Variants in AXDND1 observed in about 807,000 individuals in gnomAD.
The protein encoded by AXDND1 is axonemal dynein light chain domain-containing protein 1.
AXDND1 carries 110 observed loss-of-function variants against 137.5 expected under a neutral mutation model. That is an observed-to-expected ratio of 0.80 (90% CI 0.69 to 0.94). The LOEUF (loss-of-function observed/expected upper bound fraction) is 0.94. Among genes scored for constraint, AXDND1 ranks in the 40% least tolerant of loss-of-function variants. The pLI is 0.00. For missense variants in AXDND1, 1,191 were observed against 1,169.8 expected (o/e 1.02, Z -0.26); for synonymous variants, 414 against 399.7 (o/e 1.04, Z -0.43).
At chr1:179,426,302 A>G (rs1656562213) in intron 12 of AXDND1, among the ~76,000 whole-genome samples, 1 of 152,240 alleles carries the variant, frequency 6.6e-6, no homozygotes, top group African/African-American at 2.4e-5. Flanking sequence ...CCAGCAAAAC[A>G]GTAGGCACAG....
chr1:179,408,321 TCTTA>T (rs908185796), intron 11 of AXDND1, among the ~76,000 whole-genome samples: 2 of 152,188 alleles, frequency 1.3e-5, no homozygotes, highest in African/African-American at 2.4e-5. Flanking sequence ...TTTCCTATGT[TCTTA>T]CTTTGCTATC....
chr1:179,473,466 C>T (rs1284992023), intron 17 of AXDND1, among the ~76,000 whole-genome samples: 1 of 152,106 alleles, frequency 6.6e-6, no homozygotes, highest in Non-Finnish European at 1.5e-5. Context: ...CCATTGCACT[C>T]CAGCCTGAGC....
At chr1:179,377,945 G>C (rs1647566813) in intron 4 of AXDND1, among the ~76,000 whole-genome samples, 1 of 152,160 alleles carries the variant, frequency 6.6e-6, no homozygotes, top group South Asian at 2.1e-4. Flanking sequence ...GGCCGAGGCA[G>C]GTCACCTGAG....
intron 9 of AXDND1, 47 bp from the exon 10 acceptor site, chr1:179,393,856 A>G (rs779220067): frequency 6.7e-6 from 10 of 1,497,994 alleles, no homozygotes; most frequent in Non-Finnish European, 8.9e-6. Flanking sequence ...AGAATTTACT[A>G]AATTCATTTA....
At chr1:179,372,985 CTAAT>C (rs1668197969) in intron 4 of AXDND1, among the ~76,000 whole-genome samples, 1 of 152,098 alleles carries the variant, frequency 6.6e-6, no homozygotes, top group South Asian at 2.1e-4. Flanking sequence ...GCCTGGCCCT[CTAAT>C]TATTTTTAAT....
intron 12 of AXDND1, among the ~76,000 whole-genome samples, chr1:179,413,846 T>C (rs1300161705): frequency 6.6e-6 from 1 of 152,220 alleles, no homozygotes; most frequent in Non-Finnish European, 1.5e-5. Context: ...GTTGAACTAA[T>C]TTACATTCCC....
Position 179,525,444 on chromosome 1 carries a change from A to C in AXDND1, c.2607A>C (p.Glu869Asp), listed in dbSNP as rs1176666937. ...KLQEENKERAEEQPSTSTEKE... is the reference protein window; with the variant it reads ...KLQEENKERADEQPSTSTEKE... ...AGGAGGAAAATAAAGAGAGAGCAGA[A>C]GAAGTAAGATTATTTGGTATTTGTT... is the stretch of plus-strand genomic sequence containing the variant. Residue 869 changes from glutamate to aspartate, a missense_variant, in exon 22 of 26, where the codon GAA (glutamate) becomes GAC (aspartate). Physicochemically the swap from Glu to Asp is conservative, Grantham distance 45. Coordinates refer to ENST00000367618, the MANE Select transcript of AXDND1 (RefSeq NM_144696.6). 1 of 1,606,256 alleles carries C rather than the reference A, an allele frequency of 6.2e-7. No homozygotes were observed. The highest frequency in any genetic ancestry group is 2.2e-5 in the East Asian group (1 of 44,664).
At chr1:179,430,211 A>G (rs891376876) in intron 13 of AXDND1, among the ~76,000 whole-genome samples, 8 of 151,914 alleles carry the variant, frequency 5.3e-5, no homozygotes, top group African/African-American at 1.9e-4. Flanking sequence ...TGAAAGTCCT[A>G]TGGAAACATT....
intron 23 of AXDND1, chr1:179,533,200 AAAT>A (rs1671187317): frequency 6.6e-6 from 1 of 152,186 alleles, no homozygotes; most frequent in Admixed American, 6.5e-5. Context: ...ATTCAATTAA[AAAT>A]ATGCTTATAG....
chr1:179,431,062 G>A (rs1412424162), intron 14 of AXDND1, among the ~76,000 whole-genome samples: 1 of 152,170 alleles, frequency 6.6e-6, no homozygotes, highest in East Asian at 1.9e-4. Flanking sequence ...TTAAGTTGAG[G>A]TCAGATGGCT....
intron 20 of AXDND1, among the ~76,000 whole-genome samples, chr1:179,502,562 T>TAAAAAAA (rs35740934): frequency 2.5e-5 from 2 of 81,074 alleles, no homozygotes; most frequent in Non-Finnish European, 4.6e-5. Context: ...AAACTCTGTC[T>TAAAAAAA]AAAAAAAAAA....
chr1:179,490,799 C>G (rs761261293), intron 18 of AXDND1, among the ~76,000 whole-genome samples: 1 of 150,376 alleles, frequency 6.6e-6, no homozygotes, highest in East Asian at 2.0e-4. Context: ...CCAATCAAAC[C>G]AGTTTCAAAA....
intron 20 of AXDND1, among the ~76,000 whole-genome samples, chr1:179,508,364 G>C (rs891896571): frequency 1.3e-5 from 2 of 150,962 alleles, no homozygotes; most frequent in Non-Finnish European, 2.9e-5. Flanking sequence ...AATAATGAAA[G>C]AAATATAAGG....
intron 20 of AXDND1, chr1:179,506,957 TG>T (rs1668598722): frequency 1.1e-6 from 1 of 937,782 alleles, no homozygotes; most frequent in Non-Finnish European, 1.3e-6. Context: ...TCCTTCCTTA[TG>T]GGGGGATCTG....
chr1:179,390,538 A>G (rs575844120), intron 9 of AXDND1, among the ~76,000 whole-genome samples: 19 of 152,216 alleles, frequency 1.2e-4, no homozygotes, highest in Non-Finnish European at 2.1e-4. Flanking sequence ...ATCTCACTAT[A>G]CGTTAAGTCA....
intron 11 of AXDND1, among the ~76,000 whole-genome samples, chr1:179,407,953 TTC>T (rs941105828): frequency 6.6e-6 from 1 of 152,212 alleles, no homozygotes; most frequent in Non-Finnish European, 1.5e-5. Flanking sequence ...TTCAATTCAT[TTC>T]TCTCTCTCCT....
chr1:179,457,577 T>C (rs1661594542), intron 16 of AXDND1, among the ~76,000 whole-genome samples: 2 of 152,238 alleles, frequency 1.3e-5, no homozygotes, highest in Non-Finnish European at 2.9e-5. Context: ...CAAGACATTA[T>C]TATTCGTATT....
chr1:179,382,849 T>G lies in AXDND1; in HGVS notation c.638+93T>G, dbSNP rs6684058. On this transcript the variant is annotated intron_variant, in intron 7 of 25. Coordinates refer to ENST00000367618, the MANE Select transcript of AXDND1 (RefSeq NM_144696.6). The stretch of plus-strand genomic sequence containing the variant: ...ACTTTATTAAACAAAATTATTAAAA[T>G]TATAGCAGCAACCCAAGGCAATAAT... The G allele has an allele frequency of 1.2e-4, 126 of 1,008,302 alleles. No individual in the cohort carries two copies. In the African/African-American group the frequency reaches 1.8e-3, roughly 14 times the overall value. The allele number at this position is 1,008,302 out of a possible 1,614,324, so 62.5% of individuals were successfully genotyped here.
intron 16 of AXDND1, among the ~76,000 whole-genome samples, chr1:179,462,854 G>C (rs1482666691): frequency 6.6e-6 from 1 of 151,882 alleles, no homozygotes; most frequent in African/African-American, 2.4e-5. Context: ...CTCTTGGGAG[G>C]GTGTATGTGT....
Sources: allele counts gnomAD v4.1 joint callset (sites outside exome capture counted in the v4.1 genomes callset), GRCh38; gene constraint gnomAD v4.1.1; transcripts MANE v1.5; gene names NCBI Gene and HGNC (gene_info 2026-07-23, HGNC 2026-07-21).